IFNAR2: variants seen among roughly 807,000 people sequenced by gnomAD.
IFNAR2 encodes interferon alpha/beta receptor 2.
A neutral mutation model predicts 49.4 loss-of-function variants in IFNAR2; 30 were observed. The ratio of observed to expected loss-of-function variants is 0.61; its 90% CI spans 0.45 to 0.82. The LOEUF (loss-of-function observed/expected upper bound fraction) is 0.82, where lower values mean the gene tolerates loss of function less well. Ranked by LOEUF, IFNAR2 falls within the 40% of genes least tolerant of loss-of-function variation. The probability of loss-of-function intolerance (pLI) is 0.00; values close to 1 mark genes in which losing one functional copy is unlikely to be tolerated. For synonymous variants in IFNAR2, 224 were observed against 234.5 expected, an observed-to-expected ratio of 0.96 and a Z score of 0.41; for missense variants, 600 against 622.7, an observed-to-expected ratio of 0.96 and a Z score of 0.39.
intron 1 of IFNAR2, among the ~76,000 whole-genome samples, chr21:33,232,757 G>C (rs1986157026): frequency 6.6e-6 from 1 of 152,044 alleles, no homozygotes; most frequent in Non-Finnish European, 1.5e-5. Flanking sequence ...TGAGTGAGAT[G>C]GGGGAAGGTT....
intron 7 of IFNAR2, among the ~76,000 whole-genome samples, chr21:33,257,369 G>A (rs755575102): frequency 2.0e-5 from 3 of 152,192 alleles, no homozygotes; most frequent in Non-Finnish European, 2.9e-5. Flanking sequence ...TGTGAAGAGC[G>A]AAAGGACAAA....
intron 8 of IFNAR2, among the ~76,000 whole-genome samples, chr21:33,261,862 T>A (rs1018064535): frequency 3.7e-4 from 56 of 151,356 alleles, no homozygotes; most frequent in African/African-American, 1.3e-3. Context: ...GGTTACAGAG[T>A]GAGACCCTAG....
At chr21:33,252,258 A>AT in intron 6 of IFNAR2, 1 of 452,890 alleles carries the variant, frequency 2.2e-6, no homozygotes, top group Non-Finnish European at 4.5e-6. Context: ...GGTAATGCCT[A>AT]TTTTGCAGAC....
At chr21:33,260,149 C>G (rs534106792) in intron 7 of IFNAR2, among the ~76,000 whole-genome samples, 28 of 152,218 alleles carry the variant, frequency 1.8e-4, no homozygotes, top group Admixed American at 4.6e-4. Flanking sequence ...CCCAGCGTGG[C>G]TAAAGTCCAG....
intron 1 of IFNAR2, among the ~76,000 whole-genome samples, chr21:33,238,441 G>A (rs572206937): frequency 6.6e-6 from 1 of 152,258 alleles, no homozygotes; most frequent in South Asian, 2.1e-4. Context: ...TTGGGGGACA[G>A]AAGAATGCCC....
intron 6 of IFNAR2, chr21:33,251,614 A>G (rs17860220): frequency 0.072 from 71,237 of 985,334 alleles, 2,867 homozygotes; most frequent in East Asian, 0.17. Context: ...GAAAAACATC[A>G]TTACTGAAGG....
chr21:33,236,961 GATATT>G, intron 1 of IFNAR2: 1 of 754,762 alleles, frequency 1.3e-6, no homozygotes, highest in East Asian at 1.3e-4. Flanking sequence ...GCCAAGATGG[GATATT>G]ATATTTTCCA....
At chr21:33,258,087 C>T (rs1454502142) in intron 7 of IFNAR2, among the ~76,000 whole-genome samples, 5 of 152,126 alleles carry the variant, frequency 3.3e-5, no homozygotes, top group Non-Finnish European at 7.3e-5. Flanking sequence ...GGTGAATCAC[C>T]TGAGGTCAGG....
chr21:33,238,095 T>C (rs947995905), intron 1 of IFNAR2, among the ~76,000 whole-genome samples: 1 of 152,126 alleles, frequency 6.6e-6, no homozygotes, highest in African/African-American at 2.4e-5. Flanking sequence ...CTTCAACTTA[T>C]CATCAAACAT....
In IFNAR2 at chr21:33,246,961, T is replaced by C. The variant is rs1987469506; in HGVS notation, c.394+71T>C. 5 of 1,346,738 alleles carry C rather than the reference T, an allele frequency of 3.7e-6. No homozygotes were observed. In the East Asian group the frequency reaches 7.2e-5, roughly 19 times the overall value. The allele number at this position is 1,346,738 out of a possible 1,614,324, so 83.4% of individuals were successfully genotyped here. A position where few individuals can be genotyped will look rare whatever the true frequency, so the allele number is the denominator to read the frequency against. On this transcript the variant is annotated intron_variant, in intron 5 of 8. Transcript: ENST00000342136. ...CTTTATTATTTGCTATTCCATGAAA[T>C]AGGAGGTCTACAAAGGTGTTTTAGA...
intron 1 of IFNAR2, among the ~76,000 whole-genome samples, chr21:33,231,014 T>TC (rs1197801799): frequency 6.6e-6 from 1 of 152,130 alleles, no homozygotes; most frequent in Non-Finnish European, 1.5e-5. Flanking sequence ...CATTTTTTTT[T>TC]TTATTTCCTT....
rs3223272 is a variant in IFNAR2 at position 33,237,078 on chromosome 21, G to GATGTGTGTGTGTGTGT, written c.-83-4762_-83-4761insATGTGTGTGTGTGTGT. The stretch of plus-strand genomic sequence containing the variant: ...CCCCTGGCCCAGAGGGGGAGAATGG[G>GATGTGTGTGTGTGTGT]GTGTGTGTGTGTGTGTGTGTGTGTG... On this transcript the variant is annotated intron_variant, in intron 1 of 8. Coordinates refer to ENST00000342136, the MANE Select transcript of IFNAR2 (RefSeq NM_001289125.3). 3.4e-3 allele frequency among the ~76,000 whole-genome samples: 496 copies of GATGTGTGTGTGTGTGT among 147,690 alleles called. 3 individuals carry two copies. The highest frequency in any genetic ancestry group is 0.012 in the African/African-American group (485 of 39,998).
At chr21:33,252,251 A>T in intron 6 of IFNAR2, 1 of 458,308 alleles carries the variant, frequency 2.2e-6, no homozygotes, top group Non-Finnish European at 4.5e-6. Flanking sequence ...GAATGGAGGT[A>T]ATGCCTATTT....
At chr21:33,238,992 T>G (rs1234493840) in intron 1 of IFNAR2, among the ~76,000 whole-genome samples, 4 of 152,230 alleles carry the variant, frequency 2.6e-5, no homozygotes, top group Admixed American at 6.5e-5. Context: ...AAGAACTTGA[T>G]GATATACCTC....
chr21:33,251,720 A>C, intron 6 of IFNAR2: 1 of 985,188 alleles, frequency 1.0e-6, no homozygotes, highest in South Asian at 4.7e-5. Context: ...ATTATTCATG[A>C]AAGAGCCTTC....
chr21:33,261,822 G>A (rs1988587295), intron 8 of IFNAR2, among the ~76,000 whole-genome samples: 1 of 152,164 alleles, frequency 6.6e-6, no homozygotes, highest in Admixed American at 6.5e-5. Flanking sequence ...GCTGCAGTGA[G>A]CTGTGATTGC....
At chr21:33,251,889 C>T (rs749669887) in intron 6 of IFNAR2, 7 of 386,560 alleles carry the variant, frequency 1.8e-5, no homozygotes, top group Admixed American at 1.3e-4. Flanking sequence ...TCAAGACCAG[C>T]GTGGCCAACA....
intron 1 of IFNAR2, among the ~76,000 whole-genome samples, chr21:33,232,485 A>T (rs891803460): frequency 6.6e-6 from 1 of 152,152 alleles, no homozygotes; most frequent in Admixed American, 6.5e-5. Context: ...GGGTTTTATC[A>T]TCTGGTACGT....
Position 33,241,981 on chromosome 21 carries a change from A to C in IFNAR2, c.55+4A>C. 2.5e-6 allele frequency: 4 copies of C among 1,611,174 alleles called. No individual in the cohort carries two copies. Among genetic ancestry groups the C allele is most frequent in the Non-Finnish European group, 3.4e-6 (4 of 1,179,014 alleles). On this transcript the variant is annotated splice_donor_region_variant and intron_variant, in intron 2 of 8. Coordinates refer to ENST00000342136, the MANE Select transcript of IFNAR2 (RefSeq NM_001289125.3). ...TCACTTAATTTGGTTCTCATGGGTAAGTGCTGCTTTTTATCTTAGCTCTTA... is the reference window on the plus strand; with the variant it reads ...TCACTTAATTTGGTTCTCATGGGTACGTGCTGCTTTTTATCTTAGCTCTTA...
Sources: allele counts gnomAD v4.1 joint callset (sites outside exome capture counted in the v4.1 genomes callset), GRCh38; gene constraint gnomAD v4.1.1; transcripts MANE v1.5; gene names NCBI Gene and HGNC (gene_info 2026-07-23, HGNC 2026-07-21).